CDC42BPB: variants seen among roughly 807,000 people sequenced by gnomAD.
CDC42BPB encodes serine/threonine-protein kinase MRCK beta.
In CDC42BPB, 37 loss-of-function variants were observed where a neutral mutation model predicts 214.9. The ratio of observed to expected loss-of-function variants is 0.17; its 90% CI spans 0.13 to 0.23. CDC42BPB has a LOEUF of 0.23. CDC42BPB is among the 10% of genes least tolerant of loss of function. The pLI is 1.00. For missense variants in CDC42BPB, 1,694 were observed against 2,227.0 expected (o/e 0.76, Z 4.82); for synonymous variants, 931 against 884.0 (o/e 1.05, Z -0.94).
At chr14:102,960,283 G>C (rs913608817) in intron 20 of CDC42BPB, among the ~76,000 whole-genome samples, 2 of 152,060 alleles carry the variant, frequency 1.3e-5, no homozygotes, top group Non-Finnish European at 2.9e-5. Flanking sequence ...AGGAGGAGCA[G>C]ATCTACCAGA....
rs371032953 is a variant in CDC42BPB at position 102,943,843 on chromosome 14, G to C, written c.4408+48C>G. The stretch of plus-strand genomic sequence containing the variant: ...CAAAATCGAACACATGCTGACTGTC[G>C]GTGGGAAAAGCAGCAACAGGGATAT... On this transcript the variant is annotated intron_variant, in intron 30 of 36. Coordinates refer to ENST00000361246, the MANE Select transcript of CDC42BPB (RefSeq NM_006035.4). The surrounding 1 kb of genome is among the most constrained non-coding windows in gnomAD (Gnocchi z 4.6). 4.6e-6 allele frequency: 7 copies of C among 1,516,498 alleles called. No individual in the cohort carries two copies. The highest frequency in any genetic ancestry group is 6.2e-6 in the Non-Finnish European group (7 of 1,122,182). 93.9% of individuals were successfully genotyped at this position (1,516,498 alleles called of 1,614,324 possible).
intron 21 of CDC42BPB, among the ~76,000 whole-genome samples, chr14:102,956,962 T>C (rs914548210): frequency 7.0e-6 from 1 of 142,226 alleles, no homozygotes; most frequent in African/African-American, 2.7e-5. Context: ...GTGGATCACC[T>C]GAGGTCAGAA....
chr14:102,941,478 G>A, intron 30 of CDC42BPB: 8 of 985,456 alleles, frequency 8.1e-6, no homozygotes, highest in Non-Finnish European at 6.0e-6. Flanking sequence ...TGTCTCAGAA[G>A]GAGCATTTCA....
chr14:103,021,446 A>G (rs1276299095), intron 1 of CDC42BPB, among the ~76,000 whole-genome samples: 1 of 151,856 alleles, frequency 6.6e-6, no homozygotes, highest in Admixed American at 6.6e-5. Context: ...AGCCTGGGTG[A>G]CAGAGTGAGA....
chr14:103,004,277 G>A lies in CDC42BPB; in HGVS notation c.352-254C>T, dbSNP rs1595134317. On this transcript the variant is annotated intron_variant, in intron 3 of 36. Coordinates refer to ENST00000361246, the MANE Select transcript of CDC42BPB (RefSeq NM_006035.4). This position sits in a 1 kb window ranked among gnomAD's most constrained non-coding sequence, Gnocchi z 5.3. ...CTGCTGTCCCACGGGCACCATTTCT[G>A]TGGCTGACACTTAGATTCACCCCAC... The A allele has an allele frequency of 2.2e-6, 2 of 911,210 alleles. No individual in the cohort carries two copies. The highest frequency in any genetic ancestry group is 4.5e-5 in the East Asian group (1 of 22,068). The allele number at this position is 911,210 out of a possible 1,614,324, so 56.4% of individuals were successfully genotyped here. A position where few individuals can be genotyped will look rare whatever the true frequency, so the allele number is the denominator to read the frequency against.
chr14:103,003,964 G>A lies in CDC42BPB; in HGVS notation c.411C>T (p.Thr137=), dbSNP rs753890144. 35 of 1,611,818 alleles carry A rather than the reference G, an allele frequency of 2.2e-5. No individual in the cohort carries two copies. The highest frequency in any genetic ancestry group is 5.5e-5 in the South Asian group (5 of 90,990). The change falls in exon 4 of 37, where the codon ACC becomes ACT. Residue 137 remains threonine, a synonymous_variant. Coordinates refer to ENST00000361246, the MANE Select transcript of CDC42BPB (RefSeq NM_006035.4). ...VLVNGDCQWI[T]ALHYAFQDEN... ...CGTCCTGAAAGGCGTAGTGCAGCGC[G>A]GTGATCCACTGGCAGTCGCCGTTCA...
chr14:103,005,974 G>A (rs1423431029), intron 3 of CDC42BPB, among the ~76,000 whole-genome samples: 3 of 147,064 alleles, frequency 2.0e-5, no homozygotes, highest in Admixed American at 6.7e-5. Context: ...AGCCAAGATC[G>A]TGCCATTGCA....
chr14:102,942,563 A>G (rs8008231), intron 30 of CDC42BPB, among the ~76,000 whole-genome samples: 68,686 of 152,048 alleles, frequency 0.45, 17,201 homozygotes, highest in African/African-American at 0.67. Context: ...TCTGTTTTAA[A>G]AGACAGGGTC....
chr14:102,999,488 C>A, intron 5 of CDC42BPB, 77 bp downstream of exon 5: 4 of 1,486,610 alleles, frequency 2.7e-6, no homozygotes, highest in Non-Finnish European at 3.7e-6. Flanking sequence ...CTTGGGACGG[C>A]CTGGACTTGG....
chr14:103,018,988 G>A (rs963744566), intron 1 of CDC42BPB, among the ~76,000 whole-genome samples: 4 of 152,154 alleles, frequency 2.6e-5, no homozygotes, highest in Admixed American at 2.6e-4. Flanking sequence ...CTGTCGACCA[G>A]GCTGGAGTGC....
chr14:103,012,139 G>A lies in CDC42BPB; in HGVS notation c.225C>T (p.Asp75=). Residue 75 remains aspartate (D), a synonymous_variant, in exon 2 of 37, where the codon GAC becomes GAT. Transcript: ENST00000361246. ...LVKEMQLHRE[D]FEIIKVIGRG... ...TTCCAATTACTTTAATTATTTCAAA[G>A]TCTTCTCGATGAAGCTGCATTTCTT... The A allele has an allele frequency of 1.9e-6, 3 of 1,613,784 alleles. No individual in the cohort carries two copies. Among genetic ancestry groups the A allele is most frequent in the Non-Finnish European group, 2.5e-6 (3 of 1,179,812 alleles).
At chr14:103,002,054 A>T (rs1895011678) in intron 4 of CDC42BPB, among the ~76,000 whole-genome samples, 1 of 152,228 alleles carries the variant, frequency 6.6e-6, no homozygotes, top group South Asian at 2.1e-4. Context: ...TTTAATTTTG[A>T]TAAAACTCTG....
chr14:102,955,389 C>T (rs868540698), intron 21 of CDC42BPB, among the ~76,000 whole-genome samples: 1 of 152,204 alleles, frequency 6.6e-6, no homozygotes, highest in African/African-American at 2.4e-5. Context: ...CATTGCACTC[C>T]AGCCTGGGCA....
chr14:103,041,489 C>CA (rs1887990622), intron 1 of CDC42BPB: 1 of 1,330,504 alleles, frequency 7.5e-7, no homozygotes, highest in South Asian at 1.2e-5. Flanking sequence ...GCCAGAATGG[C>CA]ATGGAAGCCC....
chr14:103,025,251 T>C (rs535714201), intron 1 of CDC42BPB, among the ~76,000 whole-genome samples: 25 of 152,208 alleles, frequency 1.6e-4, no homozygotes, highest in African/African-American at 6.0e-4. Flanking sequence ...GCAAGCACAC[T>C]GTCCGATGTG....
intron 8 of CDC42BPB, among the ~76,000 whole-genome samples, chr14:102,979,366 C>G (rs1475011129): frequency 6.6e-6 from 1 of 152,154 alleles, no homozygotes; most frequent in Non-Finnish European, 1.5e-5. Context: ...CACCCGCTAT[C>G]ATGCCCGGCT....
At position 102,938,397 on chromosome 14, in the gene CDC42BPB, G is replaced by T. The variant is rs56373954; in HGVS notation, c.4842C>A (p.Pro1614=). 2.3e-5 allele frequency: 35 copies of T among 1,550,326 alleles called. No individual in the cohort carries two copies. In the East Asian group the frequency reaches 7.6e-4, roughly 34 times the overall value. The change falls in exon 35 of 37, where the codon CCC becomes CCA. Residue 1614 remains proline, a synonymous_variant. Transcript: ENST00000361246. The part of the protein sequence containing the change: ...LMDLPLSAVP[P]SQEERPGPAP... ...CGGGGCCCGGCCTTTCCTCCTGGGAGGGGGGCACAGCACTCTGGGCAGAAA... is the reference window on the plus strand; with the variant it reads ...CGGGGCCCGGCCTTTCCTCCTGGGATGGGGGCACAGCACTCTGGGCAGAAA...
chr14:102,985,296 A>G (rs35111883), intron 6 of CDC42BPB, among the ~76,000 whole-genome samples: 608 of 81,372 alleles, frequency 7.5e-3, no homozygotes, highest in Middle Eastern at 0.033. Flanking sequence ...ACGGGGTGGT[A>G]TGGAGGTGAG....
At chr14:102,949,965 T>C (rs1204467805) in intron 25 of CDC42BPB, 61 bp from the exon 26 acceptor site, 15 of 1,596,536 alleles carry the variant, frequency 9.4e-6, no homozygotes, top group Non-Finnish European at 1.2e-5. Flanking sequence ...CCAGGCCCCA[T>C]TACACTCGTT....
Sources: allele counts gnomAD v4.1 joint callset (sites outside exome capture counted in the v4.1 genomes callset), GRCh38; gene constraint gnomAD v4.1.1; non-coding constraint Gnocchi (gnomAD v3.1); transcripts MANE v1.5; gene names NCBI Gene and HGNC (gene_info 2026-07-23, HGNC 2026-07-21).